Variants in UCHL3 observed in about 807,000 individuals in gnomAD.
UCHL3 encodes the protein ubiquitin carboxyl-terminal hydrolase isozyme L3.
A neutral mutation model predicts 35.8 loss-of-function variants in UCHL3; 22 were observed. That is an observed-to-expected ratio of 0.61 (90% CI 0.44 to 0.88). UCHL3 has a LOEUF of 0.88. Among genes scored for constraint, UCHL3 ranks in the 40% least tolerant of loss-of-function variants. The pLI, the probability that UCHL3 is intolerant of heterozygous loss-of-function variation, is 0.00. For synonymous variants in UCHL3, 90 were observed against 92.8 expected (o/e 0.97, Z 0.17); for missense variants, 229 against 276.9 (o/e 0.83, Z 1.23).
intron 6 of UCHL3, among the ~76,000 whole-genome samples, chr13:75,583,250 A>G (rs1189651984): frequency 6.6e-6 from 1 of 152,206 alleles, no homozygotes; most frequent in Non-Finnish European, 1.5e-5. Context: ...TTGATATGCT[A>G]TCCTATTTTG....
intron 6 of UCHL3, 37 bp from the exon 7 acceptor site, chr13:75,594,878 T>C (rs1479588983): frequency 1.3e-5 from 19 of 1,495,032 alleles, no homozygotes; most frequent in Admixed American, 9.4e-5. Flanking sequence ...GTTTGACTAC[T>C]AATGTATATA....
At position 75,549,797 on chromosome 13, in the gene UCHL3, G is replaced by A; in HGVS notation, c.-24G>A. ...GGCGGCGAAGGCGGCGGCTGTCAGA[G>A]CTGGAGGGCCGGGCACCGCGGCCAT... is the stretch of plus-strand genomic sequence containing the variant. On this transcript the variant is annotated 5_prime_UTR_variant, in exon 1 of 9. Transcript: ENST00000377595. 6.5e-7 allele frequency: 1 copy of A among 1,528,952 alleles called. No homozygotes were observed. The highest frequency in any genetic ancestry group is 8.7e-7 in the Non-Finnish European group (1 of 1,147,244). 94.7% of individuals were successfully genotyped at this position (1,528,952 alleles called of 1,614,324 possible). A position where few individuals can be genotyped will look rare whatever the true frequency, so the allele number is the denominator to read the frequency against.
intron 6 of UCHL3, among the ~76,000 whole-genome samples, chr13:75,571,702 G>C (rs1027405631): frequency 6.6e-6 from 1 of 152,144 alleles, no homozygotes; most frequent in African/African-American, 2.4e-5. Context: ...CTAGTGTGTA[G>C]AGCAGTGATT....
At chr13:75,605,484 G>C (rs1359855408) in intron 8 of UCHL3, among the ~76,000 whole-genome samples, 1 of 152,054 alleles carries the variant, frequency 6.6e-6, no homozygotes. Flanking sequence ...CTCCAGCCTG[G>C]GTGACAGAGG....
At chr13:75,601,017 A>G (rs2032770725) in intron 7 of UCHL3, among the ~76,000 whole-genome samples, 1 of 152,210 alleles carries the variant, frequency 6.6e-6, no homozygotes, top group Admixed American at 6.5e-5. Flanking sequence ...ACTTCATTGG[A>G]GGAAGTAACT....
At chr13:75,566,269 C>G (rs2031677811) in intron 3 of UCHL3, among the ~76,000 whole-genome samples, 1 of 152,122 alleles carries the variant, frequency 6.6e-6, no homozygotes, top group Non-Finnish European at 1.5e-5. Flanking sequence ...GGACAAAGTT[C>G]TAAATCAGAA....
At chr13:75,600,734 C>T (rs2032761706) in intron 7 of UCHL3, among the ~76,000 whole-genome samples, 1 of 152,232 alleles carries the variant, frequency 6.6e-6, no homozygotes, top group South Asian at 2.1e-4. Flanking sequence ...TTTCTGCTAA[C>T]ACAGCATCCA....
chr13:75,551,873 G>C (rs2031122824), intron 2 of UCHL3, among the ~76,000 whole-genome samples: 1 of 152,116 alleles, frequency 6.6e-6, no homozygotes, highest in South Asian at 2.1e-4. Flanking sequence ...ACAGGAGCTG[G>C]TGATTCTTTG....
At chr13:75,559,787 T>C (rs8192741) in intron 2 of UCHL3, among the ~76,000 whole-genome samples, 87,540 of 152,092 alleles carry the variant, frequency 0.58, 27,031 homozygotes, top group Non-Finnish European at 0.69. Flanking sequence ...TGATGCATTT[T>C]TAATATGATT....
upstream of UCHL3, chr13:75,549,666 A>G (rs2030998262): frequency 6.4e-6 from 5 of 780,220 alleles, no homozygotes; most frequent in East Asian, 1.5e-4. Flanking sequence ...GGAGCGGTTA[A>G]GAGGGTGAGA....
Position 75,560,879 on chromosome 13 carries a change from A to G in UCHL3, c.181A>G (p.Lys61Glu), listed in dbSNP as rs1243804868. ...CTTACTTCTCTTTCCTATTACAGAAAAGGTAATTGTTATGTAAAATAGAAA... is the reference window on the plus strand; with the variant it reads ...CTTACTTCTCTTTCCTATTACAGAAGAGGTAATTGTTATGTAAAATAGAAA... ...AVLLLFPITE[K>E]YEVFRTEEEE... The change falls in exon 3 of 9, where the codon AAG (lysine) becomes GAG (glutamate). Residue 61 changes from lysine to glutamate, a missense_variant and splice_region_variant. Coordinates refer to ENST00000377595, the MANE Select transcript of UCHL3 (RefSeq NM_006002.5). The G allele has an allele frequency of 2.6e-6, 4 of 1,512,010 alleles. No individual in the cohort carries two copies. Among genetic ancestry groups the G allele is most frequent in the African/African-American group, 2.9e-5 (2 of 68,808 alleles). The allele number at this position is 1,512,010 out of a possible 1,614,324, so 93.7% of individuals were successfully genotyped here. A position where few individuals can be genotyped will look rare whatever the true frequency, so the allele number is the denominator to read the frequency against.
At chr13:75,575,345 C>G (rs558502316) in intron 6 of UCHL3, among the ~76,000 whole-genome samples, 2 of 152,082 alleles carry the variant, frequency 1.3e-5, no homozygotes, top group African/African-American at 4.8e-5. Flanking sequence ...TTTCATCTTT[C>G]GCTTAAGATT....
chr13:75,583,743 T>C (rs2032248621), intron 6 of UCHL3, among the ~76,000 whole-genome samples: 1 of 152,218 alleles, frequency 6.6e-6, no homozygotes, highest in Admixed American at 6.5e-5. Flanking sequence ...TAAGGAATAA[T>C]ATGTTGCCAT....
chr13:75,596,177 G>A (rs1173148932), intron 7 of UCHL3, among the ~76,000 whole-genome samples: 4 of 152,224 alleles, frequency 2.6e-5, no homozygotes, highest in Non-Finnish European at 4.4e-5. Flanking sequence ...GCAACAGATC[G>A]CATACTTTAT....
At chr13:75,562,282 A>T (rs916975535) in intron 3 of UCHL3, among the ~76,000 whole-genome samples, 13 of 152,112 alleles carry the variant, frequency 8.5e-5, no homozygotes, top group African/African-American at 2.4e-4. Flanking sequence ...TCAATAAAAG[A>T]AATGATATTT....
At chr13:75,562,131 C>T (rs2031538631) in intron 3 of UCHL3, among the ~76,000 whole-genome samples, 1 of 152,074 alleles carries the variant, frequency 6.6e-6, no homozygotes. Context: ...CCAAATCCCA[C>T]AGGATTTAAG....
Position 75,549,971 on chromosome 13 carries a change from T to C in UCHL3, c.43-5T>C, listed in dbSNP as rs767972626. 1 of 1,614,232 alleles carries C rather than the reference T, an allele frequency of 6.2e-7. No individual in the cohort carries two copies. The highest frequency in any genetic ancestry group is 1.1e-5 in the South Asian group (1 of 91,084). ...TCTAAAGCGTGTTCTCTGTTTCGTT[T>C]TCAGGTCACCAACCAGGTGAGTGAG... On this transcript the variant is annotated splice_polypyrimidine_tract_variant and splice_region_variant and intron_variant, in intron 1 of 8. Transcript: ENST00000377595.
At chr13:75,597,969 G>C (rs952108100) in intron 7 of UCHL3, among the ~76,000 whole-genome samples, 1 of 151,998 alleles carries the variant, frequency 6.6e-6, no homozygotes. Flanking sequence ...ATATGTAAAG[G>C]GGAAGAAGTA....
chr13:75,581,862 C>T (rs1211821867), intron 6 of UCHL3, among the ~76,000 whole-genome samples: 5 of 152,010 alleles, frequency 3.3e-5, no homozygotes, highest in Non-Finnish European at 5.9e-5. Flanking sequence ...CCTTTGAGGA[C>T]GTAGGTGGTG....
Sources: allele counts gnomAD v4.1 joint callset (sites outside exome capture counted in the v4.1 genomes callset), GRCh38; gene constraint gnomAD v4.1.1; transcripts MANE v1.5; gene names NCBI Gene and HGNC (gene_info 2026-07-23, HGNC 2026-07-21).